SUGP2: variants seen among roughly 807,000 people sequenced by gnomAD.
The protein encoded by SUGP2 is SURP and G-patch domain containing 2, also known as SURP and G-patch domain-containing protein 2.
Under a neutral mutation model 90.5 loss-of-function variants are expected in SUGP2, and 24 were observed. The observed-to-expected ratio is 0.27, with a 90% CI of 0.19 to 0.37. The LOEUF is 0.37. Ranked by LOEUF, SUGP2 falls within the 10% of genes least tolerant of loss-of-function variation. The probability of loss-of-function intolerance (pLI) is 1.00; values close to 1 mark genes in which losing one functional copy is unlikely to be tolerated. For synonymous variants in SUGP2, 473 were observed against 513.4 expected (o/e 0.92, Z 1.06); for missense variants, 1,233 against 1,363.3 (o/e 0.90, Z 1.51).
intron 8 of SUGP2, among the ~76,000 whole-genome samples, chr19:18,997,797 A>AG (rs1555725572): frequency 3.4e-5 from 5 of 144,944 alleles, no homozygotes; most frequent in Admixed American, 1.3e-4. Context: ...AAAAAAAAAA[A>AG]AAAAAAGAAA....
chr19:18,997,750 T>G (rs1405336399), intron 8 of SUGP2, among the ~76,000 whole-genome samples: 1 of 124,138 alleles, frequency 8.1e-6, no homozygotes, highest in Non-Finnish European at 1.6e-5. Context: ...GCCATTGCAC[T>G]CCAGCCTTGG....
intron 7 of SUGP2, among the ~76,000 whole-genome samples, chr19:19,003,091 G>A (rs2057911820): frequency 6.6e-6 from 1 of 152,198 alleles, no homozygotes; most frequent in African/African-American, 2.4e-5. Flanking sequence ...ACAGGCACGA[G>A]CCACTGCGCC....
intron 3 of SUGP2, among the ~76,000 whole-genome samples, chr19:19,024,079 T>C (rs1294799048): frequency 6.6e-6 from 1 of 152,088 alleles, no homozygotes; most frequent in Non-Finnish European, 1.5e-5. Context: ...TCTACCAAAT[T>C]CCCAGAGAGG....
chr19:18,997,892 G>A (rs1417430850), intron 8 of SUGP2, among the ~76,000 whole-genome samples: 1 of 152,066 alleles, frequency 6.6e-6, no homozygotes, highest in Non-Finnish European at 1.5e-5. Flanking sequence ...CCAAAGCACA[G>A]GAGGAAGCTG....
intron 7 of SUGP2, among the ~76,000 whole-genome samples, chr19:19,002,380 CAAA>C (rs1221407376): frequency 8.9e-6 from 1 of 112,468 alleles, no homozygotes. Context: ...GAGTCCATCT[CAAA>C]AAAAAAAAAA....
At chr19:19,029,173 G>C (rs148904988) in intron 2 of SUGP2, among the ~76,000 whole-genome samples, 1 of 150,928 alleles carries the variant, frequency 6.6e-6, no homozygotes, top group Non-Finnish European at 1.5e-5. Context: ...ACGGAGTCTT[G>C]CTCTGTCACC....
chr19:18,998,616 A>G (rs561070210), intron 8 of SUGP2, among the ~76,000 whole-genome samples: 1 of 145,156 alleles, frequency 6.9e-6, no homozygotes, highest in Non-Finnish European at 1.5e-5. Context: ...GTGTGTATGC[A>G]TGTGTGTGTG....
intron 4 of SUGP2, among the ~76,000 whole-genome samples, chr19:19,017,122 C>T (rs978582649): frequency 6.6e-6 from 1 of 152,160 alleles, no homozygotes; most frequent in African/African-American, 2.4e-5. Flanking sequence ...GAGGTCAAGG[C>T]TGCAGTGGGC....
intron 3 of SUGP2, among the ~76,000 whole-genome samples, chr19:19,023,844 T>C (rs933966954): frequency 1.3e-5 from 2 of 151,906 alleles, no homozygotes; most frequent in Non-Finnish European, 2.9e-5. Context: ...CAGTGAGCCA[T>C]GGTCATGCCA....
intron 1 of SUGP2, 79 bp downstream of exon 1, chr19:19,033,358 C>CG: frequency 8.6e-7 from 1 of 1,161,602 alleles, no homozygotes; most frequent in Non-Finnish European, 1.1e-6. Context: ...TCACGGAGCC[C>CG]GGGGCGGGCC....
At chr19:19,005,714 G>A (rs572670983) in intron 6 of SUGP2, among the ~76,000 whole-genome samples, 2 of 151,870 alleles carry the variant, frequency 1.3e-5, no homozygotes, top group Non-Finnish European at 2.9e-5. Context: ...TCACTCTGTC[G>A]TCCAGGCTAG....
At position 19,024,797 on chromosome 19, in the gene SUGP2, G is replaced by A. The variant is rs570126557; in HGVS notation, c.1551C>T (p.Phe517=). ...IAPSPAAFPN[F]EDSTLFGREY... is the part of the protein sequence containing the mutation. The stretch of plus-strand genomic sequence containing the variant: ...CTCGCCCAAACAAAGTGGAGTCTTC[G>A]AAGTTTGGAAACGCAGCAGGTGAGG... The change falls in exon 3 of 11, where the codon TTC becomes TTT. Residue 517 remains phenylalanine, a synonymous_variant. Coordinates refer to ENST00000452918, the MANE Select transcript of SUGP2 (RefSeq NM_001017392.5). 5 of 1,614,172 alleles carry A rather than the reference G, an allele frequency of 3.1e-6. No homozygotes were observed. Among genetic ancestry groups the A allele is most frequent in the Admixed American group, 3.3e-5 (2 of 60,010 alleles).
intron 2 of SUGP2, among the ~76,000 whole-genome samples, chr19:19,026,624 T>C (rs1432602227): frequency 2.6e-5 from 4 of 152,316 alleles, no homozygotes; most frequent in African/African-American, 7.2e-5. Flanking sequence ...GGGTGTTTGG[T>C]CCCCAAATAA....
In SUGP2 at chr19:18,992,519, TTTTTGTA is replaced by T. The variant is rs2057406046; in HGVS notation, c.*1215_*1221del. 1 of 151,894 alleles carries T rather than the reference TTTTTGTA, an allele frequency of 6.6e-6. No homozygotes were observed. Among genetic ancestry groups the T allele is most frequent in the African/African-American group, 2.4e-5 (1 of 41,268 alleles). The allele number at this position is 151,894 out of a possible 1,614,324, so 9.4% of individuals were successfully genotyped here. On this transcript the variant is annotated 3_prime_UTR_variant, in exon 11 of 11. Transcript: ENST00000452918. ...TGCCCGCTACCACGCCTGGCTAATT[TTTTTGTA>T]TTTTTAGTAGAGACGGGGTTACACC... is the stretch of plus-strand genomic sequence containing the variant.
At chr19:19,027,047 A>C (rs1006039911) in intron 2 of SUGP2, among the ~76,000 whole-genome samples, 11 of 152,156 alleles carry the variant, frequency 7.2e-5, no homozygotes, top group Non-Finnish European at 1.5e-5. Flanking sequence ...TGGGAGGCCG[A>C]GGTGGGAGGA....
chr19:18,998,679 A>G (rs575643336), intron 8 of SUGP2, among the ~76,000 whole-genome samples: 1 of 151,520 alleles, frequency 6.6e-6, no homozygotes, highest in South Asian at 2.1e-4. Flanking sequence ...TACTGGATGC[A>G]GGCGGCCCCT....
intron 4 of SUGP2, among the ~76,000 whole-genome samples, chr19:19,017,567 T>A (rs1052435442): frequency 6.6e-6 from 1 of 151,078 alleles, no homozygotes; most frequent in Non-Finnish European, 1.5e-5. Context: ...ATTTCAGGAG[T>A]TCAAGACCAC....
At chr19:19,031,230 A>C in intron 1 of SUGP2, 148 bp from the exon 2 acceptor site, 1 of 777,824 alleles carries the variant, frequency 1.3e-6, no homozygotes, top group Non-Finnish European at 2.0e-6. Flanking sequence ...CAACATGATG[A>C]AACTAAAATA....
intron 6 of SUGP2, 46 bp from the exon 7 acceptor site, chr19:19,004,692 AAC>A (rs2057991454): frequency 6.9e-7 from 1 of 1,452,304 alleles, no homozygotes; most frequent in Non-Finnish European, 9.4e-7. Flanking sequence ...GGAATCTCTC[AAC>A]ATTTTTATTT....
Sources: gnomAD v4.1 joint callset for allele counts (sites outside exome capture counted in the v4.1 genomes callset) on GRCh38, gnomAD v4.1.1 for gene constraint, MANE v1.5 for transcripts, NCBI Gene and HGNC (gene_info 2026-07-23, HGNC 2026-07-21) for gene names.